The following GFRAL variants were observed in gnomAD, a reference collection of about 807,000 sequenced individuals.
GFRAL encodes GDNF family receptor alpha-like.
In GFRAL, 36 loss-of-function variants were observed where a neutral mutation model predicts 45.4. The ratio of observed to expected loss-of-function variants is 0.79; its 90% CI spans 0.61 to 1.05. The LOEUF (loss-of-function observed/expected upper bound fraction) is 1.05. Among genes scored for constraint, GFRAL ranks in the 50% least tolerant of loss-of-function variants. The pLI is 0.00. For synonymous variants in GFRAL, 166 were observed against 154.1 expected, an observed-to-expected ratio of 1.08 and a Z score of -0.57; for missense variants, 507 against 467.5, an observed-to-expected ratio of 1.08 and a Z score of -0.78.
intron 5 of GFRAL, among the ~76,000 whole-genome samples, chr6:55,357,562 A>T (rs958458353): frequency 6.6e-6 from 1 of 151,508 alleles, no homozygotes; most frequent in East Asian, 1.9e-4. Flanking sequence ...TTCTTTATAG[A>T]TGATGTATGC....
At chr6:55,391,241 T>C (rs1768750211) in intron 6 of GFRAL, among the ~76,000 whole-genome samples, 1 of 152,130 alleles carries the variant, frequency 6.6e-6, no homozygotes, top group Admixed American at 6.5e-5. Context: ...TTCCAAATAT[T>C]TTCTAAAACA....
chr6:55,345,319 C>G (rs920177043), intron 3 of GFRAL, among the ~76,000 whole-genome samples: 1 of 152,188 alleles, frequency 6.6e-6, no homozygotes, highest in Non-Finnish European at 1.5e-5. Flanking sequence ...GTAACCAAAA[C>G]AGCATGGTAC....
intron 6 of GFRAL, among the ~76,000 whole-genome samples, chr6:55,398,703 AAGGGAGGCAAAAATAGGTAAC>A (rs1483267303): frequency 2.0e-5 from 3 of 152,176 alleles, no homozygotes; most frequent in African/African-American, 7.2e-5. Flanking sequence ...AATAGCTCTG[AAGGGAGGCAAAAATAGGTAAC>A]AGGAGAAACT....
chr6:55,399,513 T>C (rs746108316), intron 8 of GFRAL, 72 bp downstream of exon 8: 38 of 968,000 alleles, frequency 3.9e-5, no homozygotes, highest in Non-Finnish European at 6.0e-5. Flanking sequence ...TGTTGCACAA[T>C]GGCTGAGCTT....
At chr6:55,338,198 C>G (rs1234614445) in intron 3 of GFRAL, among the ~76,000 whole-genome samples, 1 of 152,022 alleles carries the variant, frequency 6.6e-6, no homozygotes, top group African/African-American at 2.4e-5. Flanking sequence ...TCAAGCTATT[C>G]CTCTGCCTCA....
intron 6 of GFRAL, among the ~76,000 whole-genome samples, chr6:55,392,320 C>A (rs1768763955): frequency 6.6e-6 from 1 of 152,138 alleles, no homozygotes; most frequent in African/African-American, 2.4e-5. Flanking sequence ...AATATCTCTC[C>A]ATATTGATTG....
At chr6:55,355,231 C>T (rs907047699) in intron 5 of GFRAL, among the ~76,000 whole-genome samples, 1 of 151,242 alleles carries the variant, frequency 6.6e-6, no homozygotes, top group African/African-American at 2.4e-5. Flanking sequence ...GTTAGGGAGT[C>T]GGGGGCGAGG....
chr6:55,345,092 A>G (rs144681518), intron 3 of GFRAL, among the ~76,000 whole-genome samples: 2,344 of 152,286 alleles, frequency 0.015, 58 homozygotes, highest in African/African-American at 0.051. Context: ...GGAAGAACCA[A>G]TATCATGAAA....
chr6:55,368,167 C>T (rs1173502484), intron 6 of GFRAL, among the ~76,000 whole-genome samples: 1 of 151,518 alleles, frequency 6.6e-6, no homozygotes, highest in Non-Finnish European at 1.5e-5. Context: ...CTCTAAACTT[C>T]CCTTCTCACT....
intron 6 of GFRAL, among the ~76,000 whole-genome samples, chr6:55,366,287 T>G (rs1032497276): frequency 1.3e-5 from 2 of 152,154 alleles, no homozygotes; most frequent in East Asian, 3.8e-4. Flanking sequence ...GGTAGTGACA[T>G]CCCCTTTATC....
intron 6 of GFRAL, among the ~76,000 whole-genome samples, chr6:55,394,545 C>A (rs1326988292): frequency 6.6e-6 from 1 of 152,088 alleles, no homozygotes; most frequent in African/African-American, 2.4e-5. Flanking sequence ...GGTTGAGGAT[C>A]AGAGACAATT....
At position 55,399,165 on chromosome 6, in the gene GFRAL, A is replaced by G. The variant is rs544648274; in HGVS notation, c.953-15A>G. ...ATGATATGTAACTAATCTCATTTTTATGATTTTCTTTCAGATTATCCAACC... is the reference window on the plus strand; with the variant it reads ...ATGATATGTAACTAATCTCATTTTTGTGATTTTCTTTCAGATTATCCAACC... On this transcript the variant is annotated splice_polypyrimidine_tract_variant and intron_variant, in intron 6 of 8. Coordinates refer to ENST00000340465, the MANE Select transcript of GFRAL (RefSeq NM_207410.2). The G allele has an allele frequency of 1.9e-5, 26 of 1,394,596 alleles. No individual in the cohort carries two copies. In the South Asian group the frequency reaches 3.2e-4, roughly 17 times the overall value. The allele number at this position is 1,394,596 out of a possible 1,614,324, so 86.4% of individuals were successfully genotyped here.
At chr6:55,349,766 T>G (rs1347268581) in intron 3 of GFRAL, among the ~76,000 whole-genome samples, 1 of 149,916 alleles carries the variant, frequency 6.7e-6, no homozygotes, top group African/African-American at 2.4e-5. Context: ...TCCTTCTGTT[T>G]TTTTTTTTTT....
At chr6:55,388,122 A>G (rs567092656) in intron 6 of GFRAL, among the ~76,000 whole-genome samples, 2 of 152,310 alleles carry the variant, frequency 1.3e-5, no homozygotes, top group Admixed American at 1.3e-4. Flanking sequence ...TTTCCCAAGC[A>G]TCAATGCACT....
At chr6:55,342,606 A>G (rs1767983758) in intron 3 of GFRAL, among the ~76,000 whole-genome samples, 1 of 152,106 alleles carries the variant, frequency 6.6e-6, no homozygotes, top group African/African-American at 2.4e-5. Flanking sequence ...TGTTAGGAAG[A>G]AACTGCATCA....
chr6:55,369,174 C>G (rs919211839), intron 6 of GFRAL, among the ~76,000 whole-genome samples: 27 of 151,970 alleles, frequency 1.8e-4, no homozygotes, highest in African/African-American at 6.3e-4. Context: ...GTCGGAAAAG[C>G]GCAGTATTCG....
At chr6:55,341,417 T>G (rs1021331077) in intron 3 of GFRAL, among the ~76,000 whole-genome samples, 1 of 150,442 alleles carries the variant, frequency 6.6e-6, no homozygotes, top group African/African-American at 2.4e-5. Flanking sequence ...AAACAGGGTC[T>G]GGAGTGGACC....
chr6:55,363,481 C>T (rs1308290255), intron 6 of GFRAL, among the ~76,000 whole-genome samples: 1 of 149,382 alleles, frequency 6.7e-6, no homozygotes. Flanking sequence ...TACATGTGCA[C>T]ATTGTGCAGG....
chr6:55,363,602 C>G (rs9767069), intron 6 of GFRAL, among the ~76,000 whole-genome samples: 8 of 120,818 alleles, frequency 6.6e-5, no homozygotes, highest in African/African-American at 2.6e-4. Flanking sequence ...CCCACCCCAC[C>G]TCAGTCCCCA....
Sources: gnomAD v4.1 joint callset for allele counts (sites outside exome capture counted in the v4.1 genomes callset) on GRCh38, gnomAD v4.1.1 for gene constraint, MANE v1.5 for transcripts, NCBI Gene and HGNC (gene_info 2026-07-23, HGNC 2026-07-21) for gene names.